Variants in ITGAE observed in about 807,000 individuals in gnomAD.
The protein encoded by ITGAE is integrin alpha-E.
In ITGAE, 99 loss-of-function variants were observed where a neutral mutation model predicts 136.5. The ratio of observed to expected loss-of-function variants is 0.73; its 90% CI spans 0.62 to 0.86. The LOEUF is 0.86. Ranked by LOEUF, ITGAE falls within the 40% of genes least tolerant of loss-of-function variation. The probability of loss-of-function intolerance (pLI) is 0.00; values close to 1 mark genes in which losing one functional copy is unlikely to be tolerated. For synonymous variants in ITGAE, 613 were observed against 591.8 expected (o/e 1.04, Z -0.52); for missense variants, 1,447 against 1,515.3 (o/e 0.95, Z 0.75).
chr17:3,758,799 G>A (rs1677703402), intron 8 of ITGAE, among the ~76,000 whole-genome samples: 1 of 151,934 alleles, frequency 6.6e-6, no homozygotes, highest in Non-Finnish European at 1.5e-5. Context: ...AGGTCACAAG[G>A]TCCTTCAGTT....
chr17:3,747,518 G>T (rs572393379), intron 17 of ITGAE, among the ~76,000 whole-genome samples: 3 of 151,698 alleles, frequency 2.0e-5, no homozygotes, highest in African/African-American at 7.3e-5. Context: ...ACCATGTTAG[G>T]CAGGATGGTC....
At chr17:3,756,400 ATTTTT>A (rs34579296) in intron 10 of ITGAE, among the ~76,000 whole-genome samples, 1 of 119,384 alleles carries the variant, frequency 8.4e-6, no homozygotes, top group African/African-American at 3.2e-5. Context: ...CGCCTGGCTA[ATTTTT>A]TTTTTTTTTT....
intron 16 of ITGAE, among the ~76,000 whole-genome samples, chr17:3,748,562 G>T (rs9900581): frequency 6.6e-6 from 1 of 152,004 alleles, no homozygotes; most frequent in Non-Finnish European, 1.5e-5. Flanking sequence ...ACTCCAGCCT[G>T]GGTGACAGAG....
At chr17:3,716,642 C>G in intron 30 of ITGAE, 46 bp downstream of exon 30, 1 of 1,199,502 alleles carries the variant, frequency 8.3e-7, no homozygotes, top group Non-Finnish European at 1.2e-6. Context: ...GTGCCCAAAA[C>G]TAGAGCCCAG....
At chr17:3,742,605 C>A (rs1409775990) in intron 19 of ITGAE, among the ~76,000 whole-genome samples, 1 of 151,788 alleles carries the variant, frequency 6.6e-6, no homozygotes, top group African/African-American at 2.4e-5. Flanking sequence ...CAGGCATGCA[C>A]CACCACACTG....
intron 1 of ITGAE, among the ~76,000 whole-genome samples, chr17:3,795,870 T>A (rs1052541475): frequency 1.0e-4 from 15 of 149,504 alleles, no homozygotes; most frequent in African/African-American, 3.2e-4. Context: ...TCCATGTGCA[T>A]CCGTGTGCGT....
rs768373543 is a variant in ITGAE, at chr17:3,761,076, C to G, written c.535G>C (p.Ala179Pro). ...DDVNTARQRR[A>P]LEKEEEEDKE... ...TCTTCCTCCTCCTCCTTCTCCAGAG[C>G]CCGGCGCTGCCTGGCTGTGTTCACA... The change falls in exon 6 of 31, where the codon GCT becomes CCT. Residue 179 changes from alanine (A) to proline (P), a missense_variant. Coordinates refer to ENST00000263087, the MANE Select transcript of ITGAE (RefSeq NM_002208.5). 6.2e-7 allele frequency: 1 copy of G among 1,611,266 alleles called. No individual in the cohort carries two copies. Among genetic ancestry groups the G allele is most frequent in the African/African-American group, 1.3e-5 (1 of 74,900 alleles).
intron 29 of ITGAE, chr17:3,718,192 CCTT>C (rs989335729): frequency 1.4e-5 from 2 of 142,060 alleles, no homozygotes; most frequent in African/African-American, 6.4e-5. Context: ...CAGCTATTCT[CCTT>C]TGCCAGTGAC....
intron 6 of ITGAE, 144 bp from the exon 7 acceptor site, chr17:3,760,431 T>G: frequency 7.6e-6 from 1 of 131,814 alleles, no homozygotes; most frequent in Non-Finnish European, 1.2e-5. Flanking sequence ...AGAGGGAAGC[T>G]TTTTTTTTTT....
chr17:3,745,246 C>T (rs2051683649), intron 18 of ITGAE, among the ~76,000 whole-genome samples: 1 of 152,152 alleles, frequency 6.6e-6, no homozygotes, highest in Non-Finnish European at 1.5e-5. Flanking sequence ...TCTGATAACG[C>T]ATGCCAAGAA....
intron 1 of ITGAE, among the ~76,000 whole-genome samples, chr17:3,786,974 A>G (rs1001234736): frequency 8.5e-5 from 13 of 152,148 alleles, no homozygotes; most frequent in African/African-American, 3.1e-4. Context: ...CATTTAAAAT[A>G]ATCAGTTTAC....
intron 20 of ITGAE, among the ~76,000 whole-genome samples, chr17:3,736,018 C>A (rs1884771648): frequency 6.6e-6 from 1 of 152,146 alleles, no homozygotes; most frequent in Non-Finnish European, 1.5e-5. Flanking sequence ...GTGGCAGGTG[C>A]CTGTAATCCC....
At chr17:3,791,019 G>A (rs556528928) in intron 1 of ITGAE, among the ~76,000 whole-genome samples, 23 of 151,932 alleles carry the variant, frequency 1.5e-4, no homozygotes, top group African/African-American at 5.3e-4. Flanking sequence ...GCCAGGCGTG[G>A]TGGTGGGCGC....
chr17:3,753,869 G>T lies in ITGAE; in HGVS notation c.1441C>A (p.Pro481Thr). ...ACGGCCCCATGATGTTTGTACCGTG[G>T]AGCCCCCGCGATGTAGGAGAGGCTG... Reference protein sequence around the residue: ...TCSLSYIAGAPRYKHHGAVFE... With the variant: ...TCSLSYIAGATRYKHHGAVFE... The change falls in exon 13 of 31, where the codon CCA becomes ACA. Residue 481 changes from proline to threonine, a missense_variant. Around this residue, in one of 3 missense-constraint regions of ITGAE, gnomAD observed 1,031 missense variants for 1,011.4 expected, o/e 1.02. Coordinates refer to ENST00000263087, the MANE Select transcript of ITGAE (RefSeq NM_002208.5). 6.2e-7 allele frequency: 1 copy of T among 1,614,126 alleles called. No homozygotes were observed. Among genetic ancestry groups the T allele is most frequent in the Non-Finnish European group, 8.5e-7 (1 of 1,180,004 alleles).
rs1567517411 is a variant in ITGAE at position 3,731,135 on chromosome 17, T to C, written c.2803A>G (p.Arg935Gly). Reference sequence around the variant, plus strand: ...ACAGTCACAGTGATGTCTGCTGTCCTGTTTGGAAAGGCATTCTCCTCTAGC... The same window carrying C: ...ACAGTCACAGTGATGTCTGCTGTCCCGTTTGGAAAGGCATTCTCCTCTAGC... ...WQLEENAFPN[R>G]TADITVTVTN... The change falls in exon 23 of 31, where the codon AGG (arginine) becomes GGG (glycine). Residue 935 changes from arginine to glycine, a missense_variant. Physicochemically the swap from Arg to Gly is moderately radical, Grantham distance 125 (BLOSUM62 -2). Transcript: ENST00000263087. The C allele has an allele frequency of 6.2e-7, 1 of 1,613,818 alleles. No homozygotes were observed. The highest frequency in any genetic ancestry group is 1.7e-5 in the Admixed American group (1 of 59,986).
At chr17:3,783,494 T>G (rs566705755) in intron 1 of ITGAE, among the ~76,000 whole-genome samples, 1 of 152,234 alleles carries the variant, frequency 6.6e-6, no homozygotes, top group South Asian at 2.1e-4. Context: ...TAAACCTTCA[T>G]GACAATACAT....
At chr17:3,738,582 C>T (rs529727728) in intron 20 of ITGAE, among the ~76,000 whole-genome samples, 7 of 152,334 alleles carry the variant, frequency 4.6e-5, no homozygotes, top group African/African-American at 7.2e-5. Flanking sequence ...TGGAGACAGG[C>T]GGTATCTGCG....
At position 3,756,507 on chromosome 17, in the gene ITGAE, T is replaced by C. The variant is rs139959888; in HGVS notation, c.1171+477A>G. On this transcript the variant is annotated intron_variant, in intron 10 of 30. Transcript: ENST00000263087. ...ACCTCTGCCTCCTGGGTTCGAGTGA[T>C]TCTTCTGTCTCGGGCTCCTGAGTAG... is the stretch of plus-strand genomic sequence containing the variant. Among the ~76,000 whole-genome samples, 997 of 150,910 alleles carry C rather than the reference T, an allele frequency of 6.6e-3. 3 individuals are homozygous for C. Among genetic ancestry groups the C allele is most frequent in the Admixed American group, 0.01 (156 of 15,132 alleles).
chr17:3,726,664 A>AT (rs906481188), intron 26 of ITGAE: 106 of 222,446 alleles, frequency 4.8e-4, no homozygotes, highest in African/African-American at 2.4e-3. Flanking sequence ...CCCTGTCTCT[A>AT]TTTTTTTAAA....
Sources: allele counts gnomAD v4.1 joint callset (sites outside exome capture counted in the v4.1 genomes callset), GRCh38; gene constraint gnomAD v4.1.1; regional missense constraint gnomAD v4.1.1; transcripts MANE v1.5; gene names NCBI Gene and HGNC (gene_info 2026-07-23, HGNC 2026-07-21).